SIPA1L1: variants seen among roughly 807,000 people sequenced by gnomAD.
The protein encoded by SIPA1L1 is signal-induced proliferation-associated 1-like protein 1.
A neutral mutation model predicts 162.7 loss-of-function variants in SIPA1L1; 26 were observed. The ratio of observed to expected loss-of-function variants is 0.16; its 90% CI spans 0.12 to 0.22. The LOEUF (loss-of-function observed/expected upper bound fraction) is 0.22, where lower values mean the gene tolerates loss of function less well. Among genes scored for constraint, SIPA1L1 ranks in the 10% least tolerant of loss-of-function variants. The pLI, the probability that SIPA1L1 is intolerant of heterozygous loss-of-function variation, is 1.00. For synonymous variants in SIPA1L1, 829 were observed against 837.4 expected (o/e 0.99, Z 0.17); for missense variants, 1,874 against 2,241.0 (o/e 0.84, Z 3.31).
chr14:71,414,405 A>G (rs922904695), intron 2 of SIPA1L1, among the ~76,000 whole-genome samples: 6 of 152,072 alleles, frequency 3.9e-5, no homozygotes, highest in Admixed American at 3.3e-4. Flanking sequence ...AACAAAAACA[A>G]AAACAAAAAA....
chr14:71,537,796 G>C (rs2054039096), intron 4 of SIPA1L1, among the ~76,000 whole-genome samples: 1 of 151,936 alleles, frequency 6.6e-6, no homozygotes, highest in African/African-American at 2.4e-5. Context: ...TTGTGGGCCA[G>C]ATTTGGGAAG....
At chr14:71,353,530 G>A (rs1030076167) in intron 2 of SIPA1L1, among the ~76,000 whole-genome samples, 3 of 152,182 alleles carry the variant, frequency 2.0e-5, no homozygotes, top group African/African-American at 7.2e-5. Flanking sequence ...TTTAAGCGCA[G>A]CATTGACCTG....
In SIPA1L1 at chr14:71,645,781, AT is replaced by A. The variant is rs1204430499; in HGVS notation, c.1819-4553del. On this transcript the variant is annotated intron_variant, in intron 7 of 23. Coordinates refer to ENST00000381232, the MANE Select transcript of SIPA1L1 (RefSeq NM_001386936.1). ...GTGGAAAATACCAGATTGACTCTTA[AT>A]AGTGTTTTGAAGATAGTTTTGATGT... Among the ~76,000 whole-genome samples the A allele has an allele frequency of 2.6e-5, 4 of 152,162 alleles. No individual in the cohort carries two copies. The East Asian group carries it at 7.7e-4, about 29-fold the overall frequency.
chr14:71,642,425 C>T (rs1313082508), intron 7 of SIPA1L1, among the ~76,000 whole-genome samples: 1 of 152,182 alleles, frequency 6.6e-6, no homozygotes, highest in Non-Finnish European at 1.5e-5. Context: ...ACAAACCAGA[C>T]TGGAAAACTT....
Position 71,417,469 on chromosome 14 carries a change from CAAAAAAAAAAAAAAAAA to C in SIPA1L1, c.-464-95256_-464-95240del, listed in dbSNP as rs58628136. Among the ~76,000 whole-genome samples the C allele has an allele frequency of 2.4e-3, 43 of 17,766 alleles. 1 individual carries two copies. Among genetic ancestry groups the C allele is most frequent in the East Asian group, 4.9e-3 (4 of 816 alleles). The allele number at this position is 17,766 out of a possible 152,430, so 11.7% of individuals were successfully genotyped here. On this transcript the variant is annotated intron_variant, in intron 2 of 23. Coordinates refer to ENST00000381232, the MANE Select transcript of SIPA1L1 (RefSeq NM_001386936.1). ...CCTGGGCGACAGCGAGACTCCGTCT[CAAAAAAAAAAAAAAAAA>C]AAAAAAAAAAAAAAAAAGAAAATCC...
chr14:71,482,079 AT>A (rs1174078983), intron 2 of SIPA1L1, among the ~76,000 whole-genome samples: 2 of 152,142 alleles, frequency 1.3e-5, no homozygotes, highest in Non-Finnish European at 2.9e-5. Context: ...TAATGAGACC[AT>A]TGGGACCCTT....
chr14:71,422,356 C>T (rs769910701), intron 2 of SIPA1L1, among the ~76,000 whole-genome samples: 7 of 152,056 alleles, frequency 4.6e-5, no homozygotes, highest in South Asian at 4.2e-4. Flanking sequence ...CCATTTTCAC[C>T]GTACAGTTCG....
chr14:71,616,968 T>G (rs2038912062), intron 5 of SIPA1L1, among the ~76,000 whole-genome samples: 1 of 152,108 alleles, frequency 6.6e-6, no homozygotes, highest in African/African-American at 2.4e-5. Flanking sequence ...AGAAGTTGGT[T>G]TTTATTAGAG....
chr14:71,724,600 T>C, intron 18 of SIPA1L1, 70 bp from the exon 19 acceptor site: 1 of 1,258,000 alleles, frequency 7.9e-7, no homozygotes. Context: ...TTACATCCTT[T>C]AGAGCCCATC....
intron 2 of SIPA1L1, among the ~76,000 whole-genome samples, chr14:71,394,245 A>G (rs1479394758): frequency 6.6e-6 from 1 of 152,218 alleles, no homozygotes; most frequent in Admixed American, 6.5e-5. Context: ...TAATCAAAAT[A>G]GGGTGTGCCT....
At chr14:71,571,766 G>C (rs971702706) in intron 4 of SIPA1L1, among the ~76,000 whole-genome samples, 4 of 151,362 alleles carry the variant, frequency 2.6e-5, no homozygotes, top group East Asian at 3.9e-4. Flanking sequence ...CTCAGCCTCC[G>C]GAGTAGCTGG....
chr14:71,510,112 C>G (rs189872670), intron 2 of SIPA1L1, among the ~76,000 whole-genome samples: 28 of 148,728 alleles, frequency 1.9e-4, no homozygotes, highest in Admixed American at 1.5e-3. Flanking sequence ...AACCAAAAAT[C>G]TTTTCTCTTT....
intron 4 of SIPA1L1, among the ~76,000 whole-genome samples, chr14:71,550,251 A>G (rs1319240783): frequency 6.6e-6 from 1 of 152,170 alleles, no homozygotes; most frequent in African/African-American, 2.4e-5. Flanking sequence ...CACTGTCTCA[A>G]AAACAGAAAT....
chr14:71,491,018 A>G (rs1238321653), intron 2 of SIPA1L1, among the ~76,000 whole-genome samples: 1 of 152,220 alleles, frequency 6.6e-6, no homozygotes, highest in African/African-American at 2.4e-5. Context: ...AATGCTCTGT[A>G]TATCACTGAG....
intron 5 of SIPA1L1, among the ~76,000 whole-genome samples, chr14:71,617,450 T>C (rs557739974): frequency 6.6e-6 from 1 of 152,364 alleles, no homozygotes; most frequent in African/African-American, 2.4e-5. Flanking sequence ...GGTTATTTCT[T>C]ATATATGAGA....
At chr14:71,480,211 T>C (rs2048238572) in intron 2 of SIPA1L1, among the ~76,000 whole-genome samples, 1 of 151,698 alleles carries the variant, frequency 6.6e-6, no homozygotes, top group African/African-American at 2.4e-5. Flanking sequence ...GCCTCCCAAG[T>C]AGCTGGGATT....
At chr14:71,666,157 A>G (rs953498665) in intron 10 of SIPA1L1, among the ~76,000 whole-genome samples, 2 of 152,162 alleles carry the variant, frequency 1.3e-5, no homozygotes, top group African/African-American at 4.8e-5. Context: ...ATACAACCTC[A>G]CCTATGAATT....
At chr14:71,362,886 T>G (rs1179295479) in intron 2 of SIPA1L1, among the ~76,000 whole-genome samples, 3 of 152,186 alleles carry the variant, frequency 2.0e-5, no homozygotes, top group Admixed American at 6.5e-5. Flanking sequence ...GTAATAGAAG[T>G]ATAGGTGAAT....
intron 2 of SIPA1L1, among the ~76,000 whole-genome samples, chr14:71,387,679 C>T (rs920461276): frequency 1.3e-5 from 2 of 152,190 alleles, no homozygotes; most frequent in African/African-American, 4.8e-5. Context: ...AACCATTTCA[C>T]CTCTGCAGAA....
Sources: gnomAD v4.1 joint callset for allele counts (sites outside exome capture counted in the v4.1 genomes callset) on GRCh38, gnomAD v4.1.1 for gene constraint, MANE v1.5 for transcripts, NCBI Gene and HGNC (gene_info 2026-07-23, HGNC 2026-07-21) for gene names.